Variants in UNC79 observed in about 807,000 individuals in gnomAD.
UNC79 encodes the protein protein unc-79 homolog.
Under a neutral mutation model 283.1 loss-of-function variants are expected in UNC79, and 37 were observed. That is an observed-to-expected ratio of 0.13 (90% CI 0.10 to 0.17). The LOEUF is 0.17. UNC79 is among the 10% of genes least tolerant of loss of function. UNC79 has a pLI of 1.00. For synonymous variants in UNC79, 1,107 were observed against 1,200.2 expected (o/e 0.92, Z 1.61); for missense variants, 2,272 against 3,211.1 (o/e 0.71, Z 7.07).
At chr14:93,514,451 A>C (rs1464856589) in intron 7 of UNC79, among the ~76,000 whole-genome samples, 1 of 152,210 alleles carries the variant, frequency 6.6e-6, no homozygotes, top group Non-Finnish European at 1.5e-5. Context: ...TTGGAAATAC[A>C]ACATATATCT....
upstream of UNC79, among the ~76,000 whole-genome samples, chr14:93,427,449 T>C (rs540648567): frequency 6.6e-6 from 1 of 152,278 alleles, no homozygotes; most frequent in East Asian, 1.9e-4. Flanking sequence ...AAATAATATA[T>C]GTTGCTTATG....
At chr14:93,618,497 A>C in intron 29 of UNC79, 143 bp downstream of exon 30, 1 of 960,502 alleles carries the variant, frequency 1.0e-6, no homozygotes, top group Non-Finnish European at 1.4e-6. Context: ...CCAACTTTCC[A>C]TGAATGTTGC....
chr14:93,356,637 A>T (rs2054091284), intron 1 of UNC79, among the ~76,000 whole-genome samples: 1 of 152,236 alleles, frequency 6.6e-6, no homozygotes, highest in Non-Finnish European at 1.5e-5. Flanking sequence ...CTAGTAGATG[A>T]GCAGAAATAA....
chr14:93,704,124 C>T (rs536127771), intron 47 of UNC79, among the ~76,000 whole-genome samples: 3 of 152,280 alleles, frequency 2.0e-5, no homozygotes, highest in East Asian at 3.9e-4. Context: ...CGCAGACACC[C>T]GGCTCAGTCT....
chr14:93,651,912 ATTTT>A (rs71129653), intron 35 of UNC79, among the ~76,000 whole-genome samples: 12 of 46,598 alleles, frequency 2.6e-4, no homozygotes, highest in Middle Eastern at 0.019. Context: ...CTAATTTTGT[ATTTT>A]TTTTTTTTTT....
rs375550968 is a variant in UNC79, at chr14:93,590,153, C to T, written c.3032+3245C>T. 2.2e-4 allele frequency among the ~76,000 whole-genome samples: 33 copies of T among 152,206 alleles called. No individual in the cohort carries two copies. In the East Asian group the frequency reaches 3.3e-3, roughly 15 times the overall value. On this transcript the variant is annotated intron_variant, in intron 22 of 48. Transcript: ENST00000555664. ...ACTAGTCATTCATTATATTTAGGAC[C>T]CGCTCTATCCAGTAGGAACTCATCT...
chr14:93,502,485 C>A (rs1369897573), intron 7 of UNC79, among the ~76,000 whole-genome samples: 3 of 152,112 alleles, frequency 2.0e-5, no homozygotes, highest in African/African-American at 7.2e-5. Context: ...ATTAAAATGA[C>A]TTTTTCTCCT....
chr14:93,567,943 G>A lies in UNC79; in HGVS notation c.1756-3951G>A, dbSNP rs139541453. Among the ~76,000 whole-genome samples, 26 of 152,284 alleles carry A rather than the reference G, an allele frequency of 1.7e-4. No homozygotes were observed. The East Asian group carries it at 4.1e-3, about 24-fold the overall frequency. ...GAAAGGCGGGGACAACTCGAAACAG[G>A]GAGGGAGCTTCCAGATCACAGGTAG... On this transcript the variant is annotated intron_variant, in intron 14 of 48. Transcript: ENST00000555664.
chr14:93,613,119 TA>T lies in UNC79; in HGVS notation c.4041+37del, dbSNP rs1275516890. 4 of 1,609,008 alleles carry T rather than the reference TA, an allele frequency of 2.5e-6. No individual in the cohort carries two copies. The African/African-American group carries it at 4.0e-5, about 16-fold the overall frequency. ...TAACAGCTTTCAGAAGTCACACCTTTATACTTTTAGTAGAAGCAAGGCATTA... is the reference window on the plus strand; with the variant it reads ...TAACAGCTTTCAGAAGTCACACCTTTTACTTTTAGTAGAAGCAAGGCATTA... On this transcript the variant is annotated intron_variant, in intron 27 of 48. Transcript: ENST00000555664.
Position 93,449,488 on chromosome 14 carries a change from C to T in UNC79, c.23-18183C>T, listed in dbSNP as rs552036324. Among the ~76,000 whole-genome samples the T allele has an allele frequency of 7.2e-5, 11 of 152,040 alleles. No homozygotes were observed. In the East Asian group the frequency reaches 7.7e-4, roughly 11 times the overall value. On this transcript the variant is annotated intron_variant, in intron 1 of 48. Coordinates refer to ENST00000555664, the Ensembl canonical transcript of UNC79. ...AATACAGGGCACAGGTGTGATGGTGCATGCCTTTAATCCCAGCTACTTGGG... is the reference window on the plus strand; with the variant it reads ...AATACAGGGCACAGGTGTGATGGTGTATGCCTTTAATCCCAGCTACTTGGG...
chr14:93,529,991 AAC>A (rs1372028485), intron 10 of UNC79, among the ~76,000 whole-genome samples: 1 of 152,240 alleles, frequency 6.6e-6, no homozygotes, highest in Non-Finnish European at 1.5e-5. Flanking sequence ...AGTACTGACA[AAC>A]ACAGAGGAAA....
rs891417244 is a variant in UNC79, at chr14:93,417,336, G to T, written c.-350-50335G>T. The stretch of plus-strand genomic sequence containing the variant: ...GTTGAAAATTCTTTTCTTTAAGAAT[G>T]TTGAATATTGGCCCCAACTCTCTTC... On this transcript the variant is annotated intron_variant, in intron 1 of 49. Coordinates refer to the UNC79 transcript ENST00000256339. 2.1e-4 allele frequency among the ~76,000 whole-genome samples: 32 copies of T among 152,172 alleles called. 1 individual carries two copies. The highest frequency in any genetic ancestry group is 3.8e-4 in the Non-Finnish European group (26 of 68,034).
At chr14:93,541,934 G>A (rs1036678011) in intron 13 of UNC79, among the ~76,000 whole-genome samples, 1 of 150,320 alleles carries the variant, frequency 6.7e-6, no homozygotes, top group African/African-American at 2.5e-5. Flanking sequence ...GAACCCGGGA[G>A]GCGGAGCTTG....
chr14:93,467,747 A>C (rs2057288574), exon 2 of UNC79: 1 of 1,500,916 alleles, frequency 6.7e-7, no homozygotes, highest in African/African-American at 1.4e-5. Flanking sequence ...CATCAGGAAC[A>C]GATATTGCAA....
At chr14:93,536,066 C>T (rs901781751) in intron 11 of UNC79, among the ~76,000 whole-genome samples, 4 of 152,064 alleles carry the variant, frequency 2.6e-5, no homozygotes, top group Admixed American at 2.6e-4. Context: ...AGTATTCTTC[C>T]TTTTGCTTTG....
At chr14:93,407,995 CA>C (rs1356504979) in intron 1 of UNC79, among the ~76,000 whole-genome samples, 1 of 152,124 alleles carries the variant, frequency 6.6e-6, no homozygotes, top group Non-Finnish European at 1.5e-5. Context: ...CACAAAACTG[CA>C]CAATAAAGGC....
intron 40 of UNC79, among the ~76,000 whole-genome samples, chr14:93,671,233 C>T (rs941241119): frequency 1.3e-5 from 2 of 151,944 alleles, no homozygotes; most frequent in Non-Finnish European, 2.9e-5. Context: ...AAATGCCAAA[C>T]AATATTATAT....
intron 2 of UNC79, 115 bp downstream of exon 2, chr14:93,467,906 C>A: frequency 8.0e-7 from 1 of 1,246,222 alleles, no homozygotes; most frequent in Non-Finnish European, 1.0e-6. Flanking sequence ...TTTTCTAGTG[C>A]TCTGTCAGAA....
At chr14:93,698,878 A>T (rs2075341997) in intron 47 of UNC79, among the ~76,000 whole-genome samples, 1 of 152,180 alleles carries the variant, frequency 6.6e-6, no homozygotes, top group African/African-American at 2.4e-5. Flanking sequence ...GGTGTTTTAA[A>T]TATGTACCAT....
Sources: allele counts gnomAD v4.1 joint callset (sites outside exome capture counted in the v4.1 genomes callset), GRCh38; gene constraint gnomAD v4.1.1; transcripts MANE v1.5; gene names NCBI Gene and HGNC (gene_info 2026-07-23, HGNC 2026-07-21).